Variants in WDR81 observed in about 807,000 individuals in gnomAD.
The protein encoded by WDR81 is WD repeat domain 81.
WDR81 carries 92 observed loss-of-function variants against 140.8 expected under a neutral mutation model. That is an observed-to-expected ratio of 0.65 (90% CI 0.55 to 0.78). The LOEUF (loss-of-function observed/expected upper bound fraction) is 0.78. Ranked by LOEUF, WDR81 falls within the 30% of genes least tolerant of loss-of-function variation. WDR81 has a pLI of 0.00. For synonymous variants in WDR81, 1,183 were observed against 1,156.4 expected, an observed-to-expected ratio of 1.02 and a Z score of -0.47; for missense variants, 2,502 against 2,636.4, an observed-to-expected ratio of 0.95 and a Z score of 1.12.
In WDR81 at chr17:1,727,653, G is replaced by A. The variant is rs746979606; in HGVS notation, c.2694G>A (p.Gly898=). 2 of 1,550,538 alleles carry A rather than the reference G, an allele frequency of 1.3e-6. No homozygotes were observed. The highest frequency in any genetic ancestry group is 1.2e-5 in the South Asian group (1 of 84,068). Residue 898 remains glycine, a synonymous_variant, in exon 1 of 10, where the codon GGG becomes GGA. Coordinates refer to ENST00000409644, the MANE Select transcript of WDR81 (RefSeq NM_001163809.2). ...GGCGTGTGGAGGACGAGGCCCAGGG[G>A]CGCGAGCTGGTGTTTGCTCTGTGGC... ...QARRVEDEAQ[G]RELVFALWQQ... is the part of the protein sequence containing the mutation.
At position 1,737,353 on chromosome 17, in the gene WDR81, C is replaced by T. The variant is rs769744563; in HGVS notation, c.5506-12C>T. On this transcript the variant is annotated splice_polypyrimidine_tract_variant and intron_variant, in intron 9 of 9. Coordinates refer to ENST00000409644, the MANE Select transcript of WDR81 (RefSeq NM_001163809.2). ...CCCAGGCTCCTGCTGAGGCTCTCCTCTCCCGGGACAGGCGGTGGAGGGCAG... is the reference window on the plus strand; with the variant it reads ...CCCAGGCTCCTGCTGAGGCTCTCCTTTCCCGGGACAGGCGGTGGAGGGCAG... 1.9e-6 allele frequency: 3 copies of T among 1,593,154 alleles called. No homozygotes were observed. The highest frequency in any genetic ancestry group is 2.6e-6 in the Non-Finnish European group (3 of 1,169,118).
intron 3 of WDR81, 36 bp downstream of exon 3, chr17:1,730,981 G>C (rs1181309885): frequency 1.2e-6 from 2 of 1,608,988 alleles, no homozygotes; most frequent in Non-Finnish European, 1.7e-6. Flanking sequence ...GGGCTGGGAA[G>C]GCTGAGGACC....
In WDR81 at chr17:1,737,535, C is replaced by T. The variant is rs372284884; in HGVS notation, c.5676C>T (p.Gly1892=). ...VVTGTVSNKI[G]VCSLLEPPSQ... is the part of the protein sequence containing the mutation. ...CTGGCACCGTGTCCAACAAGATTGG[C>T]GTCTGCTCCCTGCTTGAGCCACCCT... The change falls in exon 10 of 10, where the codon GGC becomes GGT. Residue 1892 remains glycine, a synonymous_variant. Coordinates refer to ENST00000409644, the MANE Select transcript of WDR81 (RefSeq NM_001163809.2). 93 of 1,613,058 alleles carry T rather than the reference C, an allele frequency of 5.8e-5. 1 individual carries two copies. The highest frequency in any genetic ancestry group is 5.7e-4 in the South Asian group (52 of 91,088).
chr17:1,737,021 G>A (rs1380595345), intron 9 of WDR81, among the ~76,000 whole-genome samples: 2 of 152,190 alleles, frequency 1.3e-5, no homozygotes, highest in Non-Finnish European at 2.9e-5. Context: ...ACCTTGGTAT[G>A]GTTACTTCAC....
Position 1,728,303 on chromosome 17 carries a change from G to A in WDR81, c.3344G>A (p.Ser1115Asn). Residue 1115 changes from serine (S) to asparagine (N), a missense_variant, in exon 1 of 10, where the codon AGC (serine) becomes AAC (asparagine). Physicochemically the swap from Ser to Asn is conservative, Grantham distance 46. Coordinates refer to ENST00000409644, the MANE Select transcript of WDR81 (RefSeq NM_001163809.2). ...CGGCTGAGTGACAAGAGCAGCACCA[G>A]CGAGACCTCCCTGGGTGAGGAGCGG... is the stretch of plus-strand genomic sequence containing the variant. ...LGRLSDKSST[S>N]ETSLGEERAP... 1 of 1,612,876 alleles carries A rather than the reference G, an allele frequency of 6.2e-7. No individual in the cohort carries two copies. The highest frequency in any genetic ancestry group is 8.5e-7 in the Non-Finnish European group (1 of 1,180,022).
intron 6 of WDR81, chr17:1,733,065 C>T: frequency 3.7e-6 from 2 of 535,164 alleles, no homozygotes; most frequent in Non-Finnish European, 6.4e-6. Context: ...CTGGGGAAGG[C>T]AGGAGAGTCA....
At position 1,732,245 on chromosome 17, in the gene WDR81, TA is replaced by T; in HGVS notation, c.4158-75del. Reference sequence around the variant, plus strand: ...GAGCAAGACTCCATCTCAATAAAAATAAAAATAAATAAAGATTTTGCTAGAT... The same window carrying T: ...GAGCAAGACTCCATCTCAATAAAAATAAAATAAATAAAGATTTTGCTAGAT... On this transcript the variant is annotated intron_variant, in intron 4 of 9. Coordinates refer to ENST00000409644, the MANE Select transcript of WDR81 (RefSeq NM_001163809.2). 1.9e-6 allele frequency: 3 copies of T among 1,551,118 alleles called. No homozygotes were observed. The South Asian group carries it at 3.6e-5, about 19-fold the overall frequency.
At position 1,734,235 on chromosome 17, in the gene WDR81, G is replaced by C. The variant is rs1408120235; in HGVS notation, c.5179+19G>C. On this transcript the variant is annotated intron_variant, in intron 7 of 9. Transcript: ENST00000409644. ...TTCACAGGTGAGCGGGCCCAGGTGA[G>C]GCCTGTTCTCTTCCTGCTCCTGCGC... The C allele has an allele frequency of 1.3e-6, 2 of 1,544,616 alleles. No individual in the cohort carries two copies. The highest frequency in any genetic ancestry group is 1.2e-5 in the South Asian group (1 of 83,680).
rs7210778 is a variant in WDR81 at position 1,731,005 on chromosome 17, G to A, written c.3966+60G>A. 5.8e-3 allele frequency: 9,376 copies of A among 1,604,046 alleles called. 477 individuals carry two copies. The African/African-American group carries it at 0.11, about 19-fold the overall frequency. ...AGGCTGAGGACCTGAGGGCCGGCCCGGGCTCTCTTGGTGCCAGGGGGTCTG... is the reference window on the plus strand; with the variant it reads ...AGGCTGAGGACCTGAGGGCCGGCCCAGGCTCTCTTGGTGCCAGGGGGTCTG... On this transcript the variant is annotated intron_variant, in intron 3 of 9. Transcript: ENST00000409644.
At chr17:1,719,445 G>A (rs1914747838) in intron 1 of WDR81, among the ~76,000 whole-genome samples, 1 of 152,080 alleles carries the variant, frequency 6.6e-6, no homozygotes, top group Non-Finnish European at 1.5e-5. Flanking sequence ...CTACTTGGGA[G>A]GCTGAGGCAG....
upstream of WDR81, among the ~76,000 whole-genome samples, chr17:1,721,813 C>T (rs1324896940): frequency 7.0e-6 from 1 of 142,094 alleles, no homozygotes; most frequent in African/African-American, 2.6e-5. Context: ...CAGAGTGAGA[C>T]TCTGTCTTAA....
Position 1,728,043 on chromosome 17 carries a change from T to C in WDR81, c.3084T>C (p.Ala1028=), listed in dbSNP as rs1326406687. 1.3e-5 allele frequency: 21 copies of C among 1,556,846 alleles called. No homozygotes were observed. The African/African-American group carries it at 2.3e-4, about 17-fold the overall frequency. ...SQEESKDLAG[A]AEEEESGLPG... ...AGGAGAGCAAGGACCTGGCAGGGGC[T>C]GCTGAGGAGGAGGAGAGCGGGCTGC... The change falls in exon 1 of 10, where the codon GCT becomes GCC. Residue 1028 remains alanine (A), a synonymous_variant. Transcript: ENST00000409644.
intron 4 of WDR81, 41 bp downstream of exon 4, chr17:1,731,299 C>A: frequency 6.3e-7 from 1 of 1,590,162 alleles, no homozygotes; most frequent in Non-Finnish European, 8.6e-7. Context: ...ACCGGCCCAG[C>A]GGAGGGGCTG....
chr17:1,734,440 C>T (rs188146548), intron 7 of WDR81, among the ~76,000 whole-genome samples: 18 of 152,344 alleles, frequency 1.2e-4, no homozygotes, highest in Non-Finnish European at 2.1e-4. Context: ...CTGCTGGAAG[C>T]GTCTCCTTTC....
At chr17:1,737,094 G>A (rs868541996) in intron 9 of WDR81, among the ~76,000 whole-genome samples, 2 of 152,162 alleles carry the variant, frequency 1.3e-5, no homozygotes, top group Non-Finnish European at 2.9e-5. Context: ...ACCGCATAGG[G>A]TTGTTACGAA....
intron 2 of WDR81, 114 bp from the exon 3 acceptor site, chr17:1,730,641 G>C (rs1915631127): frequency 7.0e-7 from 1 of 1,433,568 alleles, no homozygotes; most frequent in South Asian, 1.4e-5. Context: ...CCTTGGGTAG[G>C]GCCAGGCTGG....
At chr17:1,729,981 ACT>A (rs761418187) in intron 1 of WDR81, among the ~76,000 whole-genome samples, 11 of 138,968 alleles carry the variant, frequency 7.9e-5, no homozygotes, top group Non-Finnish European at 1.4e-4. Flanking sequence ...ACAGTGCGAG[ACT>A]CTGTCTCAAA....
intron 1 of WDR81, chr17:1,716,757 C>A: frequency 9.2e-7 from 1 of 1,091,922 alleles, no homozygotes; most frequent in Non-Finnish European, 1.3e-6. Flanking sequence ...ACTCGCCGGC[C>A]TCTGCGGGAC....
At chr17:1,737,310 C>T in intron 9 of WDR81, 55 bp from the exon 10 acceptor site, 1 of 1,521,700 alleles carries the variant, frequency 6.6e-7, no homozygotes, top group Non-Finnish European at 8.8e-7. Flanking sequence ...CCTTGGGGCC[C>T]AAGGGTATGC....
Sources: allele counts gnomAD v4.1 joint callset (sites outside exome capture counted in the v4.1 genomes callset), GRCh38; gene constraint gnomAD v4.1.1; transcripts MANE v1.5; gene names NCBI Gene and HGNC (gene_info 2026-07-23, HGNC 2026-07-21).